The following WWTR1 variants were observed in gnomAD, a reference collection of about 807,000 sequenced individuals.
WWTR1 encodes WW domain containing transcription regulator 1.
Under a neutral mutation model 40.1 loss-of-function variants are expected in WWTR1, and 13 were observed. The observed-to-expected ratio is 0.32, with a 90% confidence interval of 0.21 to 0.52. The LOEUF is 0.52. WWTR1 is among the 20% of genes least tolerant of loss of function. The pLI is 0.97. For missense variants in WWTR1, 436 were observed against 523.1 expected (o/e 0.83, Z 1.63); for synonymous variants, 230 against 210.1 (o/e 1.09, Z -0.82).
At chr3:149,575,299 A>C (rs1486839544) in intron 2 of WWTR1, among the ~76,000 whole-genome samples, 1 of 152,228 alleles carries the variant, frequency 6.6e-6, no homozygotes, top group African/African-American at 2.4e-5. Context: ...CAGGCCTTCC[A>C]AGTGAGGAAC....
chr3:149,583,365 G>C (rs1468774456), intron 2 of WWTR1, among the ~76,000 whole-genome samples: 3 of 152,126 alleles, frequency 2.0e-5, no homozygotes, highest in Admixed American at 6.5e-5. Context: ...CTTCCATAGG[G>C]ATTCAGTTCC....
chr3:149,575,133 A>G (rs1000372914), intron 2 of WWTR1, among the ~76,000 whole-genome samples: 2 of 152,130 alleles, frequency 1.3e-5, no homozygotes, highest in Admixed American at 6.5e-5. Flanking sequence ...AAGTAAAGAG[A>G]TGAAAATCAT....
intron 1 of WWTR1, among the ~76,000 whole-genome samples, chr3:149,698,437 A>G (rs1715063859): frequency 6.6e-6 from 1 of 152,204 alleles, no homozygotes; most frequent in Non-Finnish European, 1.5e-5. Context: ...TTGAACTGTG[A>G]GTCAATTAAA....
At chr3:149,715,441 A>C (rs1372963794) in intron 5 of WWTR1, among the ~76,000 whole-genome samples, 3 of 152,216 alleles carry the variant, frequency 2.0e-5, no homozygotes, top group African/African-American at 7.2e-5. Context: ...CCGTGCCAGC[A>C]CTCGGAACTG....
chr3:149,532,036 C>T (rs945828683), intron 4 of WWTR1, among the ~76,000 whole-genome samples: 7 of 152,164 alleles, frequency 4.6e-5, no homozygotes, highest in Middle Eastern at 3.2e-3. Context: ...ACAGGAGGGC[C>T]GAGTGGCCAG....
intron 1 of WWTR1, among the ~76,000 whole-genome samples, chr3:149,684,635 C>T (rs1714574130): frequency 6.6e-6 from 1 of 151,916 alleles, no homozygotes; most frequent in Non-Finnish European, 1.5e-5. Flanking sequence ...GCGATCCTGG[C>T]TCACTGCAGG....
chr3:149,652,620 C>CAAAAAAAAAAAAAAAAAAA (rs758013561), intron 2 of WWTR1, among the ~76,000 whole-genome samples: 1 of 20,202 alleles, frequency 4.9e-5, no homozygotes, highest in African/African-American at 1.6e-4. Context: ...GACCCCATCT[C>CAAAAAAAAAAAAAAAAAAA]AAAAAAAAAA....
At chr3:149,551,082 G>A (rs1475949882) in intron 3 of WWTR1, among the ~76,000 whole-genome samples, 1 of 144,478 alleles carries the variant, frequency 6.9e-6, no homozygotes, top group African/African-American at 2.6e-5. Context: ...CAAATCACCT[G>A]AGGTCGGGAG....
intron 2 of WWTR1, among the ~76,000 whole-genome samples, chr3:149,590,858 G>A (rs1387599117): frequency 6.6e-6 from 1 of 152,204 alleles, no homozygotes; most frequent in Non-Finnish European, 1.5e-5. Flanking sequence ...CGTCAGCACT[G>A]CTGATAGCCT....
chr3:149,652,142 C>T (rs1274335836), intron 2 of WWTR1, among the ~76,000 whole-genome samples: 2 of 151,640 alleles, frequency 1.3e-5, no homozygotes, highest in African/African-American at 4.8e-5. Flanking sequence ...TGCGCCCGGC[C>T]TTATGGATTT....
rs1387700611 is a variant in WWTR1 at position 149,551,405 on chromosome 3, A to G, written c.569-8868T>C. ...CAACATTCAAAGGCATACACTGGGT[A>G]ATACACTTGATATGGCATCTGGGAA... On this transcript the variant is annotated intron_variant, in intron 3 of 6. Coordinates refer to ENST00000360632, the MANE Select transcript of WWTR1 (RefSeq NM_015472.6). Among the ~76,000 whole-genome samples the G allele has an allele frequency of 2.7e-5, 4 of 145,768 alleles. 1 individual carries two copies. Among genetic ancestry groups the G allele is most frequent in the Admixed American group, 1.4e-4 (2 of 14,646 alleles).
At chr3:149,541,275 C>G (rs1560051309) in intron 4 of WWTR1, among the ~76,000 whole-genome samples, 1 of 152,198 alleles carries the variant, frequency 6.6e-6, no homozygotes, top group Non-Finnish European at 1.5e-5. Flanking sequence ...CTTCCATAGA[C>G]CAAGCCACTG....
In WWTR1 at chr3:149,575,666, A is replaced by C. The variant is rs139526325; in HGVS notation, c.432-2666T>G. Among the ~76,000 whole-genome samples, 363 of 152,314 alleles carry C rather than the reference A, an allele frequency of 2.4e-3. 1 individual carries two copies. The highest frequency in any genetic ancestry group is 2.6e-3 in the Non-Finnish European group (178 of 68,026). ...TAGGAATAATACAGGAGCTGGAATG[A>C]TGCATTCCTAAATGCTCGTCCCCCA... On this transcript the variant is annotated intron_variant, in intron 2 of 6. Coordinates refer to ENST00000360632, the MANE Select transcript of WWTR1 (RefSeq NM_015472.6).
intron 3 of WWTR1, among the ~76,000 whole-genome samples, chr3:149,550,779 T>A (rs1736585382): frequency 8.7e-6 from 1 of 114,368 alleles, no homozygotes; most frequent in African/African-American, 3.6e-5. Flanking sequence ...GAATATCTGC[T>A]GACATTTTCC....
intron 4 of WWTR1, chr3:149,724,044 A>T (rs1048676939): frequency 1.3e-5 from 2 of 152,222 alleles, no homozygotes; most frequent in Non-Finnish European, 2.9e-5. Context: ...GGAAGTTATA[A>T]GCCTTCAACA....
chr3:149,618,552 C>T (rs1461721547), intron 2 of WWTR1, among the ~76,000 whole-genome samples: 2 of 152,130 alleles, frequency 1.3e-5, no homozygotes, highest in Non-Finnish European at 2.9e-5. Flanking sequence ...AATCTAATAG[C>T]TATGAAAAAG....
chr3:149,636,444 A>C (rs946978469), intron 2 of WWTR1, among the ~76,000 whole-genome samples: 1 of 152,224 alleles, frequency 6.6e-6, no homozygotes, highest in African/African-American at 2.4e-5. Context: ...TAATCTGGGA[A>C]TAGATGAATA....
chr3:149,641,622 C>T (rs187115354), intron 2 of WWTR1, among the ~76,000 whole-genome samples: 19 of 152,358 alleles, frequency 1.2e-4, no homozygotes, highest in Admixed American at 5.2e-4. Context: ...TGGTCCATCC[C>T]TCACTCTACT....
intron 1 of WWTR1, among the ~76,000 whole-genome samples, chr3:149,687,138 T>C (rs532569480): frequency 2.5e-4 from 38 of 152,334 alleles, no homozygotes; most frequent in African/African-American, 8.4e-4. Flanking sequence ...GCAGCAATTA[T>C]CTTACCCATA....
Sources: allele counts gnomAD v4.1 joint callset (sites outside exome capture counted in the v4.1 genomes callset), GRCh38; gene constraint gnomAD v4.1.1; transcripts MANE v1.5; gene names NCBI Gene and HGNC (gene_info 2026-07-23, HGNC 2026-07-21).